MACROD2: variants seen among roughly 807,000 people sequenced by gnomAD.
MACROD2 encodes the protein ADP-ribose glycohydrolase MACROD2.
Under a neutral mutation model 70.4 loss-of-function variants are expected in MACROD2, and 36 were observed. That is an observed-to-expected ratio of 0.51 (90% confidence interval 0.39 to 0.68). The LOEUF (loss-of-function observed/expected upper bound fraction) is 0.68. Ranked by LOEUF, MACROD2 falls within the 30% of genes least tolerant of loss-of-function variation. MACROD2 has a pLI of 0.00. For missense variants in MACROD2, 496 were observed against 538.4 expected (o/e 0.92, Z 0.78); for synonymous variants, 172 against 178.8 (o/e 0.96, Z 0.30).
At chr20:15,524,025 C>T (rs766524110) in intron 8 of MACROD2, among the ~76,000 whole-genome samples, 1 of 152,154 alleles carries the variant, frequency 6.6e-6, no homozygotes, top group Non-Finnish European at 1.5e-5. Flanking sequence ...GTATGTACCT[C>T]GCCCGGGCTC....
At chr20:15,823,426 G>T (rs952376032) in intron 8 of MACROD2, among the ~76,000 whole-genome samples, 4 of 151,834 alleles carry the variant, frequency 2.6e-5, no homozygotes, top group African/African-American at 9.7e-5. Flanking sequence ...AAAAATCTGG[G>T]GTTGTAATTT....
chr20:14,783,778 G>A (rs953505375), intron 5 of MACROD2, among the ~76,000 whole-genome samples: 1 of 152,218 alleles, frequency 6.6e-6, no homozygotes, highest in African/African-American at 2.4e-5. Flanking sequence ...ACAACTGTGA[G>A]CAAGTATAGC....
Position 15,967,563 on chromosome 20 carries a change from G to A in MACROD2, c.918G>A (p.Lys306=), listed in dbSNP as rs755090474. 5.0e-6 allele frequency: 8 copies of A among 1,610,868 alleles called. No individual in the cohort carries two copies. The highest frequency in any genetic ancestry group is 2.2e-5 in the East Asian group (1 of 44,708). The part of the protein sequence containing the change: ...VEDCKDEDFA[K]DENITKGGEV... ...CTTGTTTGTTGTTAGATTTTGCAAA[G>A]GATGAAAATATTACAAAAGGCGGTG... The change falls in exon 13 of 18, where the codon AAG becomes AAA. Residue 306 remains lysine, a synonymous_variant. Coordinates refer to ENST00000684519, the MANE Select transcript of MACROD2 (RefSeq NM_001351661.2).
At chr20:14,999,083 A>G (rs1186969781) in intron 5 of MACROD2, among the ~76,000 whole-genome samples, 1 of 152,236 alleles carries the variant, frequency 6.6e-6, no homozygotes, top group Non-Finnish European at 1.5e-5. Context: ...TTTCCCAAAC[A>G]AACAAAAGCT....
intron 3 of MACROD2, among the ~76,000 whole-genome samples, chr20:14,120,046 T>C (rs760141927): frequency 1.9e-4 from 28 of 150,558 alleles, no homozygotes; most frequent in Non-Finnish European, 3.0e-4. Context: ...CCTTCTGTAC[T>C]AAAAAAAATA....
At chr20:14,565,591 C>A (rs76994713) in intron 4 of MACROD2, among the ~76,000 whole-genome samples, 3,567 of 151,964 alleles carry the variant, frequency 0.023, 59 homozygotes, top group South Asian at 0.037. Flanking sequence ...TTGGTTCTTA[C>A]AAGTCCTAAA....
intron 3 of MACROD2, among the ~76,000 whole-genome samples, chr20:14,351,885 G>A (rs1333915910): frequency 6.6e-6 from 1 of 152,092 alleles, no homozygotes; most frequent in Admixed American, 6.6e-5. Context: ...TGGCTGTTAT[G>A]TTGAGGTTCA....
intron 6 of MACROD2, among the ~76,000 whole-genome samples, chr20:15,352,503 G>A (rs1461333072): frequency 6.6e-6 from 1 of 151,970 alleles, no homozygotes; most frequent in Non-Finnish European, 1.5e-5. Context: ...TTTTTCTTAA[G>A]TGAAAAATTT....
chr20:15,660,775 A>G (rs772034111), intron 8 of MACROD2, among the ~76,000 whole-genome samples: 2 of 152,188 alleles, frequency 1.3e-5, no homozygotes, highest in African/African-American at 2.4e-5. Flanking sequence ...TTCTTTTCCT[A>G]CAACTCCAGA....
intron 4 of MACROD2, among the ~76,000 whole-genome samples, chr20:14,661,289 T>C (rs959859613): frequency 6.6e-6 from 1 of 152,186 alleles, no homozygotes; most frequent in African/African-American, 2.4e-5. Flanking sequence ...GATTTGCATC[T>C]CTCGACATTT....
chr20:14,538,897 C>A (rs2085399085), intron 4 of MACROD2, among the ~76,000 whole-genome samples: 1 of 152,174 alleles, frequency 6.6e-6, no homozygotes. Flanking sequence ...TCTTTCCGTG[C>A]TCCCCACAAC....
intron 5 of MACROD2, among the ~76,000 whole-genome samples, chr20:15,211,324 T>G (rs2076761706): frequency 6.6e-6 from 1 of 152,244 alleles, no homozygotes; most frequent in African/African-American, 2.4e-5. Flanking sequence ...GATATACATT[T>G]GGTTATTCAT....
chr20:14,347,411 T>C (rs2083074995), intron 3 of MACROD2, among the ~76,000 whole-genome samples: 1 of 152,136 alleles, frequency 6.6e-6, no homozygotes, highest in African/African-American at 2.4e-5. Flanking sequence ...GGCTAAATAA[T>C]AATATCGATG....
At chr20:15,968,797 GTATATA>G (rs35259261) in intron 13 of MACROD2, among the ~76,000 whole-genome samples, 16,057 of 106,168 alleles carry the variant, frequency 0.15, 1,238 homozygotes, top group Middle Eastern at 0.18. Context: ...TATATTATGC[GTATATA>G]TATATATATA....
chr20:14,526,148 C>T (rs1023410070), intron 4 of MACROD2, among the ~76,000 whole-genome samples: 9 of 152,162 alleles, frequency 5.9e-5, no homozygotes, highest in Admixed American at 3.3e-4. Flanking sequence ...ACTCTGACAT[C>T]AGTATTTTCC....
chr20:14,057,436 G>A (rs182422873), intron 2 of MACROD2, among the ~76,000 whole-genome samples: 107 of 152,190 alleles, frequency 7.0e-4, no homozygotes, highest in Non-Finnish European at 1.2e-3. Flanking sequence ...CAACCCAATA[G>A]AATAAATGGG....
chr20:15,025,571 G>T (rs939768741), intron 5 of MACROD2, among the ~76,000 whole-genome samples: 1 of 152,174 alleles, frequency 6.6e-6, no homozygotes, highest in African/African-American at 2.4e-5. Context: ...CCAGCCAATA[G>T]ATCTACACTA....
intron 5 of MACROD2, among the ~76,000 whole-genome samples, chr20:14,886,290 G>A (rs1178696835): frequency 6.6e-6 from 1 of 152,152 alleles, no homozygotes; most frequent in Admixed American, 6.5e-5. Context: ...GGGCCACTGT[G>A]TTTAAGGCGT....
intron 7 of MACROD2, 91 bp downstream of exon 7, chr20:15,431,526 A>G: frequency 8.2e-7 from 1 of 1,219,754 alleles, no homozygotes; most frequent in Non-Finnish European, 1.2e-6. Context: ...TTCTCTGATG[A>G]ATATATTTTG....
Sources: gnomAD v4.1 joint callset for allele counts (sites outside exome capture counted in the v4.1 genomes callset) on GRCh38, gnomAD v4.1.1 for gene constraint, MANE v1.5 for transcripts, NCBI Gene and HGNC (gene_info 2026-07-23, HGNC 2026-07-21) for gene names.